The following TPD52 variants were observed in gnomAD, a reference collection of about 807,000 sequenced individuals.
The protein encoded by TPD52 is tumor protein D52, also known as prostate and colon associated protein.
TPD52 carries 17 observed loss-of-function variants against 31.3 expected under a neutral mutation model. The observed-to-expected ratio is 0.54, with a 90% CI of 0.37 to 0.82. The LOEUF (loss-of-function observed/expected upper bound fraction) is 0.82, where lower values mean the gene tolerates loss of function less well. Ranked by LOEUF, TPD52 falls within the 40% of genes least tolerant of loss-of-function variation. The pLI, the probability that TPD52 is intolerant of heterozygous loss-of-function variation, is 0.00. For synonymous variants in TPD52, 83 were observed against 89.6 expected (o/e 0.93, Z 0.42); for missense variants, 212 against 240.1 (o/e 0.88, Z 0.77).
intron 1 of TPD52, among the ~76,000 whole-genome samples, chr8:80,086,874 C>CAA (rs1219159471): frequency 1.3e-4 from 3 of 22,264 alleles, no homozygotes; most frequent in Non-Finnish European, 2.3e-4. Flanking sequence ...GACGCTGTCT[C>CAA]AACAAAAAAA....
chr8:80,111,491 G>A (rs1216506127), intron 1 of TPD52, among the ~76,000 whole-genome samples: 1 of 152,032 alleles, frequency 6.6e-6, no homozygotes, highest in African/African-American at 2.4e-5. Context: ...ACTGGTAACA[G>A]AAGCATTCTG....
At chr8:80,112,875 G>T (rs7012097) in intron 1 of TPD52, among the ~76,000 whole-genome samples, 1 of 151,930 alleles carries the variant, frequency 6.6e-6, no homozygotes, top group Non-Finnish European at 1.5e-5. Flanking sequence ...ATTTTTTCAG[G>T]TTTGAAATAT....
At chr8:80,062,382 T>C (rs1328418098) in intron 2 of TPD52, among the ~76,000 whole-genome samples, 2 of 152,116 alleles carry the variant, frequency 1.3e-5, no homozygotes, top group East Asian at 3.8e-4. Flanking sequence ...ATACGCTAAT[T>C]AACTCAAAAT....
chr8:80,145,857 T>C (rs950390856), intron 1 of TPD52, among the ~76,000 whole-genome samples: 1 of 152,144 alleles, frequency 6.6e-6, no homozygotes, highest in African/African-American at 2.4e-5. Context: ...TGAGATAATG[T>C]TTTTCCTGAT....
At chr8:80,152,589 G>A (rs1394920012) in intron 1 of TPD52, among the ~76,000 whole-genome samples, 1 of 151,792 alleles carries the variant, frequency 6.6e-6, no homozygotes, top group African/African-American at 2.4e-5. Context: ...GAGACCAGCC[G>A]GGTCAACATG....
chr8:80,140,307 G>C (rs1010847656), intron 1 of TPD52, among the ~76,000 whole-genome samples: 3 of 152,026 alleles, frequency 2.0e-5, no homozygotes, highest in Non-Finnish European at 4.4e-5. Flanking sequence ...ATTAAAATGA[G>C]GTAAAATTCT....
intron 1 of TPD52, among the ~76,000 whole-genome samples, chr8:80,087,641 A>C (rs73691166): frequency 0.045 from 6,922 of 152,278 alleles, 530 homozygotes; most frequent in African/African-American, 0.16. Context: ...ACAGGCACAT[A>C]CCGGCTCCAG....
intron 1 of TPD52, among the ~76,000 whole-genome samples, chr8:80,131,818 G>A (rs896175201): frequency 2.0e-5 from 3 of 152,140 alleles, no homozygotes; most frequent in South Asian, 4.1e-4. Context: ...ATTAATAGAT[G>A]TGGGTGGAAA....
At chr8:80,096,800 G>A (rs573151419) in intron 1 of TPD52, among the ~76,000 whole-genome samples, 1 of 151,998 alleles carries the variant, frequency 6.6e-6, no homozygotes, top group Non-Finnish European at 1.5e-5. Context: ...CTCTCCTCAG[G>A]CCTCCCTATT....
intron 1 of TPD52, among the ~76,000 whole-genome samples, chr8:80,151,560 T>G (rs144335855): frequency 1.1e-3 from 163 of 152,312 alleles, no homozygotes; most frequent in African/African-American, 3.7e-3. Context: ...AAAGAAGCAG[T>G]AGATCCCCAA....
rs575905627 is a variant in TPD52, at chr8:80,147,790, C to T, written c.19+23635G>A. Among the ~76,000 whole-genome samples, 202 of 151,794 alleles carry T rather than the reference C, an allele frequency of 1.3e-3. 1 individual carries two copies. Among genetic ancestry groups the T allele is most frequent in the Admixed American group, 1.2e-3 (19 of 15,204 alleles). On this transcript the variant is annotated intron_variant, in intron 1 of 7. Coordinates refer to ENST00000518937, the MANE Select transcript of TPD52 (RefSeq NM_001025253.3). ...AATCCCTAATCAAGCCTCTTCAAGACAGTGGGGCCTGGAAAATGTGCACAC... is the reference window on the plus strand; with the variant it reads ...AATCCCTAATCAAGCCTCTTCAAGATAGTGGGGCCTGGAAAATGTGCACAC...
intron 1 of TPD52, among the ~76,000 whole-genome samples, chr8:80,092,526 TA>T (rs1803392910): frequency 6.6e-6 from 1 of 152,210 alleles, no homozygotes; most frequent in Non-Finnish European, 1.5e-5. Context: ...AATCAACCTA[TA>T]TTCATTAATA....
At chr8:80,071,178 C>A (rs570594584) in intron 1 of TPD52, among the ~76,000 whole-genome samples, 6 of 152,266 alleles carry the variant, frequency 3.9e-5, no homozygotes, top group African/African-American at 1.4e-4. Flanking sequence ...GATTTCTAAC[C>A]TCCAGAACCG....
In TPD52 at chr8:80,091,829, T is replaced by A. The variant is rs575983373; in HGVS notation, c.20-27236A>T. ...AGTCTGGGGTGGAGCCCAAGACTCT[T>A]GCTTTCTGGACAAGCTCCAGGTGAT... On this transcript the variant is annotated intron_variant, in intron 1 of 7. Coordinates refer to ENST00000518937, the MANE Select transcript of TPD52 (RefSeq NM_001025253.3). Among the ~76,000 whole-genome samples, 54 of 152,326 alleles carry A rather than the reference T, an allele frequency of 3.5e-4. No homozygotes were observed. The South Asian group carries it at 0.01, about 29-fold the overall frequency.
chr8:80,094,669 A>G (rs1427222208), intron 1 of TPD52, among the ~76,000 whole-genome samples: 1 of 151,254 alleles, frequency 6.6e-6, no homozygotes, highest in Non-Finnish European at 1.5e-5. Context: ...TGGTTACACA[A>G]TGATGTGAAT....
chr8:80,095,880 G>A lies in TPD52; in HGVS notation c.20-31287C>T, dbSNP rs1041608580. 5.3e-5 allele frequency among the ~76,000 whole-genome samples: 8 copies of A among 152,238 alleles called. No homozygotes were observed. The East Asian group carries it at 7.7e-4, about 15-fold the overall frequency. On this transcript the variant is annotated intron_variant, in intron 1 of 7. Coordinates refer to ENST00000518937, the MANE Select transcript of TPD52 (RefSeq NM_001025253.3). ...GGAGAATCGCTTGAACCCAGGAGGCGGAGGTTTCAGTGAGCTGAGATCGCG... is the reference window on the plus strand; with the variant it reads ...GGAGAATCGCTTGAACCCAGGAGGCAGAGGTTTCAGTGAGCTGAGATCGCG...
chr8:80,070,395 T>C (rs540282963), intron 1 of TPD52, among the ~76,000 whole-genome samples: 1 of 152,316 alleles, frequency 6.6e-6, no homozygotes, highest in East Asian at 1.9e-4. Context: ...CCAGTGTTTT[T>C]TGCACCAGGG....
intron 4 of TPD52, chr8:80,051,222 T>G: frequency 2.5e-6 from 1 of 398,210 alleles, no homozygotes; most frequent in South Asian, 2.9e-5. Flanking sequence ...CTGCCCACAA[T>G]CACAAATTTG....
intron 1 of TPD52, among the ~76,000 whole-genome samples, chr8:80,144,791 G>A (rs774150419): frequency 3.3e-5 from 5 of 151,924 alleles, no homozygotes; most frequent in Non-Finnish European, 7.4e-5. Flanking sequence ...TTTTTTACAT[G>A]GTATTCGGTG....
Sources: gnomAD v4.1 joint callset for allele counts (sites outside exome capture counted in the v4.1 genomes callset) on GRCh38, gnomAD v4.1.1 for gene constraint, MANE v1.5 for transcripts, NCBI Gene and HGNC (gene_info 2026-07-23, HGNC 2026-07-21) for gene names.